Variants in CLSTN2 observed in about 807,000 individuals in gnomAD.
The protein encoded by CLSTN2 is calsyntenin 2.
Under a neutral mutation model 101.2 loss-of-function variants are expected in CLSTN2, and 48 were observed. The observed-to-expected ratio is 0.47, with a 90% CI of 0.38 to 0.60. CLSTN2 has a LOEUF of 0.60. CLSTN2 is among the 20% of genes least tolerant of loss of function. The pLI, the probability that CLSTN2 is intolerant of heterozygous loss-of-function variation, is 0.00. For missense variants in CLSTN2, 1,160 were observed against 1,238.2 expected (o/e 0.94, Z 0.95); for synonymous variants, 481 against 463.6 (o/e 1.04, Z -0.48).
At chr3:140,228,459 A>G (rs748841010) in intron 2 of CLSTN2, among the ~76,000 whole-genome samples, 11 of 152,174 alleles carry the variant, frequency 7.2e-5, no homozygotes, top group Non-Finnish European at 1.3e-4. Flanking sequence ...GGAAGTTCCA[A>G]ACTTTCCCAC....
chr3:140,368,900 T>C (rs2087821875), intron 2 of CLSTN2, among the ~76,000 whole-genome samples: 1 of 152,216 alleles, frequency 6.6e-6, no homozygotes, highest in Admixed American at 6.5e-5. Context: ...TTCACGGATT[T>C]TCTTACGGTG....
At chr3:140,071,640 T>C (rs1200809824) in intron 1 of CLSTN2, among the ~76,000 whole-genome samples, 2 of 151,946 alleles carry the variant, frequency 1.3e-5, no homozygotes, top group Non-Finnish European at 2.9e-5. Flanking sequence ...GACCATCCTG[T>C]CTAACACGGT....
At chr3:140,564,236 C>A in intron 16 of CLSTN2, 91 bp downstream of exon 16, 1 of 1,201,434 alleles carries the variant, frequency 8.3e-7, no homozygotes, top group East Asian at 2.3e-5. Context: ...GCCCCATACC[C>A]CCTCCTTCTG....
intron 8 of CLSTN2, among the ~76,000 whole-genome samples, chr3:140,512,558 C>G (rs916855553): frequency 1.4e-4 from 22 of 152,092 alleles, no homozygotes; most frequent in African/African-American, 5.3e-4. Flanking sequence ...GTGATGCCTC[C>G]AGCTTTATTC....
intron 2 of CLSTN2, among the ~76,000 whole-genome samples, chr3:140,216,124 G>A (rs1325732370): frequency 2.0e-5 from 3 of 152,166 alleles, no homozygotes; most frequent in Non-Finnish European, 4.4e-5. Context: ...TGTGAACCGT[G>A]CATGTGAGGG....
intron 2 of CLSTN2, among the ~76,000 whole-genome samples, chr3:140,291,031 A>G (rs2086941487): frequency 6.6e-6 from 1 of 152,126 alleles, no homozygotes; most frequent in Non-Finnish European, 1.5e-5. Context: ...CATCACCTTC[A>G]ATTACATCCA....
Position 140,383,452 on chromosome 3 carries a change from T to G in CLSTN2, c.233-20177T>G, listed in dbSNP as rs554411645. On this transcript the variant is annotated intron_variant, in intron 2 of 16. Transcript: ENST00000458420. ...ATCGTGGAAGTTCTGGACCAAATACTATTTGCCAAACAGCTGATAAATTTG... is the reference window on the plus strand; with the variant it reads ...ATCGTGGAAGTTCTGGACCAAATACGATTTGCCAAACAGCTGATAAATTTG... 5.3e-5 allele frequency among the ~76,000 whole-genome samples: 8 copies of G among 152,332 alleles called. No individual in the cohort carries two copies. The East Asian group carries it at 1.5e-3, about 29-fold the overall frequency.
chr3:140,132,562 T>A (rs1469119507), intron 1 of CLSTN2, among the ~76,000 whole-genome samples: 1 of 152,196 alleles, frequency 6.6e-6, no homozygotes, highest in Non-Finnish European at 1.5e-5. Context: ...GTTTAGTATG[T>A]CTTGGGGTCA....
At position 140,086,239 on chromosome 3, in the gene CLSTN2, A is replaced by G. The variant is rs190406379; in HGVS notation, c.110-89712A>G. Among the ~76,000 whole-genome samples the G allele has an allele frequency of 9.7e-4, 148 of 152,276 alleles. 2 individuals carry two copies. The East Asian group carries it at 0.023, about 23-fold the overall frequency. On this transcript the variant is annotated intron_variant, in intron 1 of 16. Transcript: ENST00000458420. Reference sequence around the variant, plus strand: ...CTATATCTCTGTTCGGTGATAACGAATGCTGGGGTTGGTTAGCAATGTCTG... The same window carrying G: ...CTATATCTCTGTTCGGTGATAACGAGTGCTGGGGTTGGTTAGCAATGTCTG...
chr3:140,099,659 A>T (rs1373686211), intron 1 of CLSTN2, among the ~76,000 whole-genome samples: 1 of 152,180 alleles, frequency 6.6e-6, no homozygotes, highest in Non-Finnish European at 1.5e-5. Context: ...TGGGTCCCAT[A>T]GTCCCTCTGT....
intron 8 of CLSTN2, among the ~76,000 whole-genome samples, chr3:140,516,676 A>G (rs1934923977): frequency 6.6e-6 from 1 of 152,044 alleles, no homozygotes; most frequent in African/African-American, 2.4e-5. Context: ...TAGGGCCCCA[A>G]TCCCTTCCAG....
At chr3:140,538,717 T>C (rs566048853) in intron 9 of CLSTN2, among the ~76,000 whole-genome samples, 2 of 152,332 alleles carry the variant, frequency 1.3e-5, no homozygotes, top group Admixed American at 1.3e-4. Context: ...CCTGAGTCCC[T>C]AGGGTGTCTA....
chr3:140,408,777 G>A (rs6800860), intron 4 of CLSTN2, among the ~76,000 whole-genome samples: 4,357 of 152,248 alleles, frequency 0.029, 227 homozygotes, highest in African/African-American at 0.099. Flanking sequence ...CTGGGCTCCA[G>A]CCAAATATCC....
chr3:140,299,440 T>C (rs1257115527), intron 2 of CLSTN2, among the ~76,000 whole-genome samples: 3 of 152,246 alleles, frequency 2.0e-5, no homozygotes, highest in Non-Finnish European at 4.4e-5. Flanking sequence ...ATATACTGTA[T>C]GTATCTACAT....
intron 8 of CLSTN2, among the ~76,000 whole-genome samples, chr3:140,477,734 G>C (rs1934019027): frequency 6.6e-6 from 1 of 152,200 alleles, no homozygotes; most frequent in African/African-American, 2.4e-5. Flanking sequence ...GATTTAGATA[G>C]TTTGGCAGAA....
Position 140,558,658 on chromosome 3 carries a change from A to G in CLSTN2, c.1842A>G (p.Val614=). The change falls in exon 12 of 17, where the codon GTA becomes GTG. Residue 614 remains valine (V), a synonymous_variant. Coordinates refer to ENST00000458420, the MANE Select transcript of CLSTN2 (RefSeq NM_022131.3). ...TTCCCAGGTGCTTTGGGGAAGACGTATGCATCAGTATCCCTGAGGTAGATG... is the reference window on the plus strand; with the variant it reads ...TTCCCAGGTGCTTTGGGGAAGACGTGTGCATCAGTATCCCTGAGGTAGATG... ...SSKVQCFGED[V]CISIPEVDAY... is the part of the protein sequence containing the mutation. 6.2e-7 allele frequency: 1 copy of G among 1,613,748 alleles called. No homozygotes were observed. The highest frequency in any genetic ancestry group is 8.5e-7 in the Non-Finnish European group (1 of 1,179,832).
chr3:140,011,396 C>T (rs1249918239), intron 1 of CLSTN2, among the ~76,000 whole-genome samples: 1 of 152,098 alleles, frequency 6.6e-6, no homozygotes, highest in Non-Finnish European at 1.5e-5. Flanking sequence ...GGACATGAAA[C>T]CTTGAACTGC....
At chr3:140,241,794 T>C (rs1000122691) in intron 2 of CLSTN2, among the ~76,000 whole-genome samples, 33 of 145,860 alleles carry the variant, frequency 2.3e-4, no homozygotes, top group Admixed American at 9.0e-4. Context: ...ATGCGAGATA[T>C]ATATATATAT....
At chr3:140,143,654 CT>C (rs1333412624) in intron 1 of CLSTN2, among the ~76,000 whole-genome samples, 1 of 152,188 alleles carries the variant, frequency 6.6e-6, no homozygotes, top group Non-Finnish European at 1.5e-5. Flanking sequence ...AGGGATGTTT[CT>C]TTTGGCTGGG....
Sources: allele counts gnomAD v4.1 joint callset (sites outside exome capture counted in the v4.1 genomes callset), GRCh38; gene constraint gnomAD v4.1.1; transcripts MANE v1.5; gene names NCBI Gene and HGNC (gene_info 2026-07-23, HGNC 2026-07-21).